MED13L: variants seen among roughly 807,000 people sequenced by gnomAD.
MED13L encodes the protein mediator complex subunit 13L.
MED13L carries 7 observed loss-of-function variants against 220.9 expected under a neutral mutation model. The ratio of observed to expected loss-of-function variants is 0.03; its 90% CI spans 0.02 to 0.06. The LOEUF (loss-of-function observed/expected upper bound fraction) is 0.06. MED13L is among the 10% of genes least tolerant of loss of function. The pLI is 1.00. For synonymous variants in MED13L, 1,011 were observed against 1,015.2 expected (o/e 1.00, Z 0.08); for missense variants, 1,965 against 2,760.5 (o/e 0.71, Z 6.46).
chr12:116,204,785 G>A (rs1882212194), intron 2 of MED13L, among the ~76,000 whole-genome samples: 1 of 152,166 alleles, frequency 6.6e-6, no homozygotes, highest in Non-Finnish European at 1.5e-5. Context: ...TGTAGATATA[G>A]AGATACTTAG....
chr12:116,241,069 G>A (rs991080649), intron 1 of MED13L, among the ~76,000 whole-genome samples: 16 of 151,780 alleles, frequency 1.1e-4, no homozygotes, highest in Admixed American at 9.8e-4. Flanking sequence ...AGCATTTTGG[G>A]AGGCAGAGGC....
chr12:116,267,338 C>T (rs1343294830), intron 1 of MED13L, among the ~76,000 whole-genome samples: 2 of 152,190 alleles, frequency 1.3e-5, no homozygotes, highest in Non-Finnish European at 2.9e-5. Flanking sequence ...GACACAAGAA[C>T]AATTTAATCC....
At chr12:116,119,449 T>C (rs1874808312) in intron 2 of MED13L, among the ~76,000 whole-genome samples, 2 of 152,132 alleles carry the variant, frequency 1.3e-5, no homozygotes, top group Non-Finnish European at 2.9e-5. Flanking sequence ...AATAGTTGGA[T>C]ACCCAATATT....
intron 2 of MED13L, among the ~76,000 whole-genome samples, chr12:116,206,494 C>G (rs534295545): frequency 2.6e-4 from 39 of 152,066 alleles, no homozygotes; most frequent in Non-Finnish European, 4.7e-4. Context: ...CATTTAAGAA[C>G]TATCAGTTTC....
chr12:116,093,021 A>T (rs1047884757), intron 4 of MED13L, among the ~76,000 whole-genome samples: 33 of 152,206 alleles, frequency 2.2e-4, no homozygotes, highest in African/African-American at 7.2e-4. Flanking sequence ...CCTAAAAATG[A>T]CATTCAAAGA....
chr12:116,264,647 C>G (rs563035227), intron 1 of MED13L, among the ~76,000 whole-genome samples: 1 of 152,152 alleles, frequency 6.6e-6, no homozygotes, highest in Non-Finnish European at 1.5e-5. Flanking sequence ...CTAACACTAT[C>G]GGCTGGGTTT....
chr12:116,123,368 C>T (rs992785331), intron 2 of MED13L, among the ~76,000 whole-genome samples: 2 of 152,130 alleles, frequency 1.3e-5, no homozygotes, highest in African/African-American at 2.4e-5. Context: ...GACGGAAAAG[C>T]AGACATGTGA....
intron 4 of MED13L, among the ~76,000 whole-genome samples, chr12:116,084,374 G>C (rs954575403): frequency 1.3e-5 from 2 of 152,166 alleles, no homozygotes; most frequent in Non-Finnish European, 2.9e-5. Flanking sequence ...CAGAGAAGGG[G>C]TAAATGGAGG....
In MED13L at chr12:115,996,725, G is replaced by A. The variant is rs774560477; in HGVS notation, c.2791-44C>T. ...GTCAGTGTTAATATTGGTAAACTCT[G>A]TAGAACACACCACAGTGGCATAGTG... is the stretch of plus-strand genomic sequence containing the variant. On this transcript the variant is annotated intron_variant, in intron 15 of 30. Coordinates refer to ENST00000281928, the MANE Select transcript of MED13L (RefSeq NM_015335.5). 3.3e-6 allele frequency: 5 copies of A among 1,519,536 alleles called. No individual in the cohort carries two copies. In the East Asian group the frequency reaches 1.1e-4, roughly 34 times the overall value. 94.1% of individuals were successfully genotyped at this position (1,519,536 alleles called of 1,614,324 possible).
intron 4 of MED13L, among the ~76,000 whole-genome samples, chr12:116,067,135 G>A (rs1280410517): frequency 6.6e-6 from 1 of 151,932 alleles, no homozygotes; most frequent in Non-Finnish European, 1.5e-5. Flanking sequence ...CTATAAGATA[G>A]AGAATTATAA....
chr12:116,093,118 C>A (rs571553435), intron 4 of MED13L, among the ~76,000 whole-genome samples: 54 of 152,164 alleles, frequency 3.5e-4, no homozygotes, highest in Non-Finnish European at 6.6e-4. Flanking sequence ...AGAGAGAGAA[C>A]CTGCATGATT....
chr12:115,986,339 A>G lies in MED13L; in HGVS notation c.4265T>C (p.Val1422Ala), dbSNP rs780657499. The G allele has an allele frequency of 1.4e-5, 23 of 1,614,160 alleles. No individual in the cohort carries two copies. The highest frequency in any genetic ancestry group is 1.8e-5 in the Non-Finnish European group (21 of 1,180,010). The change falls in exon 19 of 31, where the codon GTG becomes GCG. Residue 1422 changes from valine to alanine, a missense_variant. This residue lies in a region of MED13L where 510 missense variants were observed against 620.4 expected (regional missense o/e 0.82). Transcript: ENST00000281928. ...CAAGGCCTCATTTTCTGGACACACC[A>G]CAATATAGGCAACATCACGGTGGCC... ...YGGHRDVAYIVVCPENEALLE... is the reference protein window; with the variant it reads ...YGGHRDVAYIAVCPENEALLE...
At chr12:115,971,316 G>A (rs1876566321) in intron 26 of MED13L, among the ~76,000 whole-genome samples, 1 of 152,146 alleles carries the variant, frequency 6.6e-6, no homozygotes, top group South Asian at 2.1e-4. Flanking sequence ...CCAAGTGGTA[G>A]CGGCAACAGA....
At chr12:116,006,734 A>G (rs1019118447) in intron 11 of MED13L, 9 of 393,110 alleles carry the variant, frequency 2.3e-5, no homozygotes, top group African/African-American at 1.8e-4. Context: ...TAGATGCTAA[A>G]TTATAGATTT....
At chr12:116,074,621 A>G in intron 4 of MED13L, among the ~76,000 whole-genome samples, 1 of 152,232 alleles carries the variant, frequency 6.6e-6, no homozygotes, top group East Asian at 1.9e-4. Flanking sequence ...ATTAAGCACC[A>G]GTCACTGAAT....
Position 116,019,892 on chromosome 12 carries a change from T to C in MED13L, c.706A>G (p.Ile236Val). The C allele has an allele frequency of 6.2e-7, 1 of 1,613,874 alleles. No individual in the cohort carries two copies. The highest frequency in any genetic ancestry group is 1.7e-5 in the Admixed American group (1 of 59,936). ...KMSDPATRKL[I>V]EEWQYFYPMV... The stretch of plus-strand genomic sequence containing the variant: ...GGGTAGAAATACTGCCATTCCTCAA[T>C]CAACTTACGAGTGGCTGGGTCTGAC... The change falls in exon 6 of 31, where the codon ATT becomes GTT. Residue 236 changes from isoleucine (I) to valine (V), a missense_variant. Coordinates refer to ENST00000281928, the MANE Select transcript of MED13L (RefSeq NM_015335.5).
chr12:116,210,166 AC>A (rs1882601221), intron 2 of MED13L, among the ~76,000 whole-genome samples: 1 of 152,134 alleles, frequency 6.6e-6, no homozygotes, highest in Non-Finnish European at 1.5e-5. Context: ...TAGCAGAGGC[AC>A]CCTGAAATGA....
intron 2 of MED13L, among the ~76,000 whole-genome samples, chr12:116,193,970 A>G (rs961285133): frequency 6.6e-6 from 1 of 152,208 alleles, no homozygotes; most frequent in Non-Finnish European, 1.5e-5. Flanking sequence ...CACTATTAAA[A>G]AGCTCCAATT....
intron 7 of MED13L, 145 bp downstream of exon 7, chr12:116,019,079 T>C (rs1879901391): frequency 2.6e-6 from 2 of 759,984 alleles, no homozygotes; most frequent in South Asian, 2.0e-5. Context: ...TAGTTTTCCT[T>C]CTCCATTTTG....
Sources: gnomAD v4.1 joint callset for allele counts (sites outside exome capture counted in the v4.1 genomes callset) on GRCh38, gnomAD v4.1.1 for gene constraint, gnomAD v4.1.1 regional missense constraint, MANE v1.5 for transcripts, NCBI Gene and HGNC (gene_info 2026-07-23, HGNC 2026-07-21) for gene names.